Variants in GRID1 observed in about 807,000 individuals in gnomAD.
GRID1 encodes glutamate ionotropic receptor delta type subunit 1.
Under a neutral mutation model 98.0 loss-of-function variants are expected in GRID1, and 28 were observed. That is an observed-to-expected ratio of 0.29 (90% confidence interval 0.21 to 0.39). The LOEUF is 0.39. Ranked by LOEUF, GRID1 falls within the 10% of genes least tolerant of loss-of-function variation. The pLI is 1.00. For missense variants in GRID1, 1,111 were observed against 1,340.5 expected (o/e 0.83, Z 2.67); for synonymous variants, 553 against 538.5 (o/e 1.03, Z -0.37).
intron 2 of GRID1, among the ~76,000 whole-genome samples, chr10:86,235,076 A>G (rs759328147): frequency 6.6e-6 from 1 of 151,914 alleles, no homozygotes; most frequent in Admixed American, 6.6e-5. Context: ...CGGCCTCCCT[A>G]CTCCCCGGGC....
intron 4 of GRID1, among the ~76,000 whole-genome samples, chr10:86,047,788 G>C (rs146769535): frequency 6.6e-6 from 1 of 152,124 alleles, no homozygotes. Flanking sequence ...ATGAAATTAC[G>C]TGTCTAATTA....
chr10:85,884,739 C>G (rs1339788241), intron 5 of GRID1, among the ~76,000 whole-genome samples: 1 of 152,106 alleles, frequency 6.6e-6, no homozygotes, highest in Admixed American at 6.5e-5. Context: ...AAGGTGGCTG[C>G]AAATGGTCAT....
intron 8 of GRID1, among the ~76,000 whole-genome samples, chr10:85,813,134 CAGA>C (rs1320525267): frequency 1.3e-5 from 2 of 151,394 alleles, no homozygotes; most frequent in Non-Finnish European, 3.0e-5. Context: ...ATTGGAGCCC[CAGA>C]AGAAGAGAAA....
At chr10:86,022,816 G>A (rs1843067095) in intron 4 of GRID1, among the ~76,000 whole-genome samples, 2 of 151,856 alleles carry the variant, frequency 1.3e-5, no homozygotes, top group Non-Finnish European at 1.5e-5. Flanking sequence ...TACTCTGGAG[G>A]CTGAGGTCGA....
chr10:86,073,768 A>C (rs1843838170), intron 4 of GRID1, among the ~76,000 whole-genome samples: 1 of 152,228 alleles, frequency 6.6e-6, no homozygotes, highest in African/African-American at 2.4e-5. Flanking sequence ...TCAGAGCAAG[A>C]TTAAGGACCT....
At chr10:86,315,745 A>C in intron 2 of GRID1, among the ~76,000 whole-genome samples, 1 of 150,972 alleles carries the variant, frequency 6.6e-6, no homozygotes. Flanking sequence ...CCAACCATCC[A>C]CCCATCCATC....
chr10:86,243,824 G>A (rs1436353058), intron 2 of GRID1, among the ~76,000 whole-genome samples: 2 of 152,114 alleles, frequency 1.3e-5, no homozygotes, highest in African/African-American at 4.8e-5. Context: ...CCAGCACAAG[G>A]CGGGCAGATG....
chr10:85,740,118 T>C (rs1453725138), intron 8 of GRID1, among the ~76,000 whole-genome samples: 1 of 152,180 alleles, frequency 6.6e-6, no homozygotes, highest in Non-Finnish European at 1.5e-5. Context: ...TTCAGGTGTA[T>C]TGGTTTTTTT....
At chr10:86,278,393 C>T (rs1847304543) in intron 2 of GRID1, among the ~76,000 whole-genome samples, 1 of 151,060 alleles carries the variant, frequency 6.6e-6, no homozygotes, top group African/African-American at 2.4e-5. Context: ...CCAAATTAAA[C>T]CCAAAGTAAA....
chr10:85,654,827 G>T (rs539240375), intron 12 of GRID1, among the ~76,000 whole-genome samples: 1 of 152,174 alleles, frequency 6.6e-6, no homozygotes. Context: ...TTCAACCCAG[G>T]CCTGGTGCCC....
At position 86,250,618 on chromosome 10, in the gene GRID1, T is replaced by C. The variant is rs12783371; in HGVS notation, c.236-43970A>G. On this transcript the variant is annotated intron_variant, in intron 2 of 15. Coordinates refer to ENST00000327946, the MANE Select transcript of GRID1 (RefSeq NM_017551.3). ...TGGGAGGTGGGGGGCAGCCCCCGCC[T>C]GGCCAGCTGCCCTGTCTGGGAGGTG... 1.4e-3 allele frequency among the ~76,000 whole-genome samples: 193 copies of C among 135,282 alleles called. 1 individual carries two copies. Among genetic ancestry groups the C allele is most frequent in the African/African-American group, 3.4e-3 (136 of 39,470 alleles). The allele number at this position is 135,282 out of a possible 152,430, so 88.8% of individuals were successfully genotyped here. A position where few individuals can be genotyped will look rare whatever the true frequency, so the allele number is the denominator to read the frequency against.
intron 4 of GRID1, among the ~76,000 whole-genome samples, chr10:86,028,589 A>T (rs1231183264): frequency 1.3e-5 from 2 of 152,190 alleles, no homozygotes; most frequent in African/African-American, 4.8e-5. Flanking sequence ...CTGGGCTCAA[A>T]CCTAGAGAAG....
chr10:85,827,632 A>T (rs1370754368), intron 8 of GRID1, among the ~76,000 whole-genome samples: 3 of 152,076 alleles, frequency 2.0e-5, no homozygotes, highest in Non-Finnish European at 4.4e-5. Context: ...AAATGCAGGG[A>T]CTGCGATTTT....
At chr10:86,207,628 C>CTTTTTT (rs71016123) in intron 2 of GRID1, among the ~76,000 whole-genome samples, 8 of 106,216 alleles carry the variant, frequency 7.5e-5, no homozygotes, top group East Asian at 2.9e-4. Flanking sequence ...GATGCAGTTT[C>CTTTTTT]TTTTTTTTTT....
At position 85,822,620 on chromosome 10, in the gene GRID1, G is replaced by C. The variant is rs369193317; in HGVS notation, c.1233+31876C>G. Among the ~76,000 whole-genome samples the C allele has an allele frequency of 2.0e-5, 3 of 152,212 alleles. No individual in the cohort carries two copies. In the East Asian group the frequency reaches 5.8e-4, roughly 29 times the overall value. ...GTAAACTAGTTCAACCATTGTGGAA[G>C]TCGGTGTGGCGATTCCTCAGGGATC... On this transcript the variant is annotated intron_variant, in intron 8 of 15. Transcript: ENST00000327946.
intron 8 of GRID1, among the ~76,000 whole-genome samples, chr10:85,743,110 C>T (rs1461034176): frequency 1.5e-5 from 2 of 129,716 alleles, no homozygotes; most frequent in Non-Finnish European, 3.4e-5. Flanking sequence ...ATGCAGCCCC[C>T]CCCCCCACCA....
chr10:86,031,848 G>T (rs189942570), intron 4 of GRID1, among the ~76,000 whole-genome samples: 1 of 152,260 alleles, frequency 6.6e-6, no homozygotes, highest in Admixed American at 6.5e-5. Context: ...GGTGTTTCTT[G>T]CATATGGCAA....
At position 85,743,111 on chromosome 10, in the gene GRID1, C is replaced by CACCA. The variant is rs1019009246; in HGVS notation, c.1234-13498_1234-13497insTGGT. On this transcript the variant is annotated intron_variant, in intron 8 of 15. Transcript: ENST00000327946. ...TGGAGGATAGAATTATGCAGCCCCC[C>CACCA]CCCCCACCACCCATTGAGAACCAAT... Among the ~76,000 whole-genome samples, 204 of 130,282 alleles carry CACCA rather than the reference C, an allele frequency of 1.6e-3. 1 individual carries two copies. The highest frequency in any genetic ancestry group is 5.1e-3 in the African/African-American group (192 of 37,670). 85.5% of individuals were successfully genotyped at this position (130,282 alleles called of 152,430 possible).
At chr10:85,626,696 C>T (rs985066478) in intron 13 of GRID1, among the ~76,000 whole-genome samples, 4 of 152,146 alleles carry the variant, frequency 2.6e-5, no homozygotes, top group Admixed American at 1.3e-4. Flanking sequence ...CCTATAGTCA[C>T]GTTCATTCAA....
Sources: gnomAD v4.1 joint callset for allele counts (sites outside exome capture counted in the v4.1 genomes callset) on GRCh38, gnomAD v4.1.1 for gene constraint, MANE v1.5 for transcripts, NCBI Gene and HGNC (gene_info 2026-07-23, HGNC 2026-07-21) for gene names.